Variants in TUB observed in about 807,000 individuals in gnomAD.
The protein encoded by TUB is TUB bipartite transcription factor, also known as tubby protein homolog.
TUB carries 33 observed loss-of-function variants against 59.7 expected under a neutral mutation model. The ratio of observed to expected loss-of-function variants is 0.55; its 90% CI spans 0.42 to 0.74. TUB has a LOEUF of 0.74. Ranked by LOEUF, TUB falls within the 30% of genes least tolerant of loss-of-function variation. TUB has a pLI of 0.00. For synonymous variants in TUB, 293 were observed against 256.4 expected (o/e 1.14, Z -1.36); for missense variants, 659 against 672.0 (o/e 0.98, Z 0.21).
At chr11:8,095,174 C>T (rs148117894) in intron 4 of TUB, among the ~76,000 whole-genome samples, 48 of 152,332 alleles carry the variant, frequency 3.2e-4, no homozygotes, top group African/African-American at 1.1e-3. Context: ...TGGTCTGGAT[C>T]AGTCCTTGTT....
chr11:8,049,578 T>TATATATATATATATAGATAGATAGATAG (rs1055522231), intron 2 of TUB, among the ~76,000 whole-genome samples: 6 of 85,916 alleles, frequency 7.0e-5, no homozygotes, highest in South Asian at 3.9e-4. Context: ...TATATATATA[T>TATATATATATATATAGATAGATAGATAG]ATAGATAGAT....
chr11:8,094,290 A>G, intron 4 of TUB, 101 bp downstream of exon 4: 4 of 1,416,444 alleles, frequency 2.8e-6, no homozygotes, highest in Admixed American at 2.5e-5. Flanking sequence ...GATAGGATGA[A>G]CAGCCTCAGG....
intron 9 of TUB, 112 bp from the exon 10 acceptor site, chr11:8,100,391 T>A (rs1411553289): frequency 1.2e-6 from 1 of 824,486 alleles, no homozygotes; most frequent in African/African-American, 1.7e-5. Context: ...TGTGTTAGAC[T>A]TCGGAGTGGA....
intron 1 of TUB, among the ~76,000 whole-genome samples, chr11:8,033,265 C>G (rs1203634461): frequency 6.6e-6 from 1 of 152,234 alleles, no homozygotes; most frequent in Non-Finnish European, 1.5e-5. Flanking sequence ...GTTCAGGGGT[C>G]CGTTTCAGGG....
At chr11:8,039,771 A>G (rs1274423866) in intron 2 of TUB, 1 of 1,301,730 alleles carries the variant, frequency 7.7e-7, no homozygotes, top group African/African-American at 1.5e-5. Flanking sequence ...TGGGCGGAAG[A>G]CGTGGGTGGC....
chr11:8,073,797 T>G (rs368465772), intron 2 of TUB, among the ~76,000 whole-genome samples: 1 of 152,250 alleles, frequency 6.6e-6, no homozygotes, highest in Non-Finnish European at 1.5e-5. Context: ...CAAGAGGACT[T>G]GCTGGGAACA....
At chr11:8,088,163 A>G (rs1452488830) in intron 1 of TUB, among the ~76,000 whole-genome samples, 2 of 152,216 alleles carry the variant, frequency 1.3e-5, no homozygotes, top group African/African-American at 4.8e-5. Flanking sequence ...CGTGGGTACA[A>G]GGAAAGACCT....
intron 1 of TUB, among the ~76,000 whole-genome samples, chr11:8,029,859 G>T (rs571572847): frequency 2.0e-5 from 3 of 152,278 alleles, no homozygotes; most frequent in Admixed American, 6.5e-5. Context: ...GGAGTCGGGT[G>T]GCTACCAGAG....
At chr11:8,064,615 T>C (rs1482432154) in intron 2 of TUB, among the ~76,000 whole-genome samples, 2 of 151,922 alleles carry the variant, frequency 1.3e-5, no homozygotes, top group African/African-American at 4.8e-5. Flanking sequence ...TTGACGTAAG[T>C]GGGGTCGAAG....
chr11:8,054,118 AAG>A (rs1333089442), intron 2 of TUB, among the ~76,000 whole-genome samples: 1 of 152,036 alleles, frequency 6.6e-6, no homozygotes, highest in Non-Finnish European at 1.5e-5. Flanking sequence ...CTGTCTCAAA[AAG>A]AAAAAAAAGT....
intron 2 of TUB, among the ~76,000 whole-genome samples, chr11:8,059,762 T>A (rs1943086937): frequency 6.6e-6 from 1 of 152,148 alleles, no homozygotes; most frequent in Non-Finnish European, 1.5e-5. Context: ...TTGTATCCTT[T>A]GGAACGAGGA....
rs1348341011 is a variant in TUB, at chr11:8,071,469, A to C, written c.204-18141A>C. Among the ~76,000 whole-genome samples the C allele has an allele frequency of 2.6e-5, 4 of 152,188 alleles. 1 individual carries two copies. The highest frequency in any genetic ancestry group is 2.6e-4 in the Admixed American group (4 of 15,274). The stretch of plus-strand genomic sequence containing the variant: ...ATTGGGAAGGCACTTCTTTATGGTC[A>C]TATAGGAGGCTGGGGACTTAGGCCT... On this transcript the variant is annotated intron_variant, in intron 2 of 12. Transcript: ENST00000305253.
chr11:8,028,368 A>G (rs1274331553), intron 1 of TUB, among the ~76,000 whole-genome samples: 2 of 152,164 alleles, frequency 1.3e-5, no homozygotes, highest in African/African-American at 4.8e-5. Flanking sequence ...ATGATTTGCA[A>G]ATGTTTTTCC....
At position 8,095,595 on chromosome 11, in the gene TUB, AG is replaced by A. The variant is rs1408370934; in HGVS notation, c.499del (p.Glu167ArgfsTer28). 1 of 1,612,886 alleles carries A rather than the reference AG, an allele frequency of 6.2e-7. No individual in the cohort carries two copies. Among genetic ancestry groups the A allele is most frequent in the South Asian group, 1.1e-5 (1 of 90,920 alleles). The part of the protein sequence containing the change: ...VGQSDHAQDA[G>X]ETAAGGGERP... ...GCCAGTCAGACCACGCCCAGGACGC[AG>A]GGGAGACGGCAGCTGGTGGGGGCGA... On this transcript the variant is annotated frameshift_variant, in exon 5 of 12. Transcript: ENST00000299506. LOFTEE classifies it high-confidence loss of function.
chr11:8,082,410 T>C (rs1300190947), intron 1 of TUB, among the ~76,000 whole-genome samples: 1 of 152,114 alleles, frequency 6.6e-6, no homozygotes, highest in African/African-American at 2.4e-5. Context: ...CAGGTGCAGG[T>C]CTTTCCCTAT....
chr11:8,061,489 C>T (rs944342174), intron 2 of TUB, among the ~76,000 whole-genome samples: 7 of 152,230 alleles, frequency 4.6e-5, no homozygotes, highest in Admixed American at 3.3e-4. Context: ...AAGTCAATGC[C>T]GGCCTCCCCT....
chr11:8,038,718 G>A lies in TUB; in HGVS notation c.-156G>A, dbSNP rs967262839. On this transcript the variant is annotated 5_prime_UTR_variant, in exon 1 of 13. Coordinates refer to the TUB transcript ENST00000305253. The stretch of plus-strand genomic sequence containing the variant: ...CATGTCCTAATTAATGGGTGATGGT[G>A]GTTGTTAGTCTGACTGTTGCCACGG... The A allele has an allele frequency of 4.0e-6, 6 of 1,485,836 alleles. No individual in the cohort carries two copies. In the African/African-American group the frequency reaches 8.4e-5, roughly 21 times the overall value. The allele number at this position is 1,485,836 out of a possible 1,614,324, so 92.0% of individuals were successfully genotyped here.
chr11:8,038,650 G>T lies in TUB; in HGVS notation c.-224G>T, dbSNP rs1027624176. ...ACTGAGACCTTGAGGATTCAGTCTG[G>T]TCCTGAAGGGTTTGGGGGGAGACTG... On this transcript the variant is annotated 5_prime_UTR_variant, in exon 1 of 13. Coordinates refer to the TUB transcript ENST00000305253. 5.3e-6 allele frequency: 7 copies of T among 1,328,340 alleles called. No individual in the cohort carries two copies. The African/African-American group carries it at 8.9e-5, about 17-fold the overall frequency. 82.3% of individuals were successfully genotyped at this position (1,328,340 alleles called of 1,614,324 possible).
Position 8,101,475 on chromosome 11 carries a change from C to T in TUB, c.1388-11C>T, listed in dbSNP as rs1944301570. Reference sequence around the variant, plus strand: ...GTCCTTTTCTCTGTCTGTGCCTGTGCTTGGCCCCAGCGGACTACATCGTGA... The same window carrying T: ...GTCCTTTTCTCTGTCTGTGCCTGTGTTTGGCCCCAGCGGACTACATCGTGA... On this transcript the variant is annotated splice_polypyrimidine_tract_variant and intron_variant, in intron 11 of 11. Transcript: ENST00000299506. 6.2e-7 allele frequency: 1 copy of T among 1,614,124 alleles called. No individual in the cohort carries two copies. Among genetic ancestry groups the T allele is most frequent in the Non-Finnish European group, 8.5e-7 (1 of 1,179,998 alleles).
Sources: allele counts gnomAD v4.1 joint callset (sites outside exome capture counted in the v4.1 genomes callset), GRCh38; gene constraint gnomAD v4.1.1; transcripts MANE v1.5; gene names NCBI Gene and HGNC (gene_info 2026-07-23, HGNC 2026-07-21).